The following LINGO2 variants were observed in gnomAD, a reference collection of about 807,000 sequenced individuals.
The protein encoded by LINGO2 is leucine rich repeat and Ig domain containing 2.
A neutral mutation model predicts 30.6 loss-of-function variants in LINGO2; 14 were observed. The observed-to-expected ratio is 0.46, with a 90% CI of 0.30 to 0.72. The LOEUF (loss-of-function observed/expected upper bound fraction) is 0.72, where lower values mean the gene tolerates loss of function less well. LINGO2 is among the 30% of genes least tolerant of loss of function. The pLI is 0.07. For missense variants in LINGO2, 729 were observed against 751.7 expected (o/e 0.97, Z 0.35); for synonymous variants, 317 against 288.5 (o/e 1.10, Z -1.00).
At chr9:28,998,328 T>A in the LINGO2 span, among the ~76,000 whole-genome samples, 1 of 152,140 alleles carries the variant, frequency 6.6e-6, no homozygotes, top group African/African-American at 2.4e-5. Flanking sequence ...AAATGTGAAA[T>A]ATGTGCCATG....
At chr9:28,624,885 C>G (rs1462614449) in intron 1 of LINGO2, among the ~76,000 whole-genome samples, 1 of 151,206 alleles carries the variant, frequency 6.6e-6, no homozygotes, top group Admixed American at 6.6e-5. Context: ...TCACTCTCCT[C>G]TCCTCAAGCA....
At chr9:28,797,359 T>TATATATATAGAGAGAGAGAGAG in the LINGO2 span, among the ~76,000 whole-genome samples, 3 of 34,212 alleles carry the variant, frequency 8.8e-5, no homozygotes, top group African/African-American at 1.9e-4. Flanking sequence ...TATATATATA[T>TATATATATAGAGAGAGAGAGAG]AGAGAGAGAG....
chr9:28,951,674 G>A, the LINGO2 span, among the ~76,000 whole-genome samples: 1 of 152,024 alleles, frequency 6.6e-6, no homozygotes, highest in African/African-American at 2.4e-5. Context: ...TCTGAGAAGT[G>A]TGATATAGAG....
the LINGO2 span, among the ~76,000 whole-genome samples, chr9:28,917,268 G>A: frequency 6.6e-6 from 1 of 152,070 alleles, no homozygotes; most frequent in Admixed American, 6.6e-5. Flanking sequence ...ATCCAACTAT[G>A]GAGAATTTCA....
At chr9:28,636,998 A>T (rs1166881849) in intron 1 of LINGO2, among the ~76,000 whole-genome samples, 5 of 152,144 alleles carry the variant, frequency 3.3e-5, no homozygotes, top group Admixed American at 2.6e-4. Flanking sequence ...TAATATTTGT[A>T]TAAGGTGTAA....
chr9:29,158,359 A>C, the LINGO2 span, among the ~76,000 whole-genome samples: 1 of 152,068 alleles, frequency 6.6e-6, no homozygotes, highest in Middle Eastern at 3.4e-3. Context: ...CTGTCTCAAA[A>C]AAATAAAAAT....
intron 1 of LINGO2, among the ~76,000 whole-genome samples, chr9:28,614,046 T>C (rs942394038): frequency 1.3e-4 from 20 of 152,180 alleles, no homozygotes; most frequent in Admixed American, 1.3e-3. Flanking sequence ...TTATGCCATA[T>C]GGTTTACTGA....
At chr9:28,922,734 G>A in the LINGO2 span, among the ~76,000 whole-genome samples, 9 of 152,128 alleles carry the variant, frequency 5.9e-5, 1 homozygote, top group African/African-American at 1.2e-4. Context: ...ACTACTTTGC[G>A]ACACGGGTTA....
chr9:28,159,638 A>G (rs1587110004), intron 4 of LINGO2, among the ~76,000 whole-genome samples: 1 of 124 alleles, frequency 8.1e-3, no homozygotes, highest in Admixed American at 0.056. Context: ...AATAGTTATG[A>G]AAAAAAAACA....
At chr9:27,972,688 G>A (rs1174770807) in intron 5 of LINGO2, among the ~76,000 whole-genome samples, 4 of 152,160 alleles carry the variant, frequency 2.6e-5, no homozygotes, top group East Asian at 1.9e-4. Flanking sequence ...CAGGCAGGCT[G>A]GTATTGAGGC....
chr9:28,043,657 C>A (rs192977865), intron 4 of LINGO2, among the ~76,000 whole-genome samples: 4 of 152,266 alleles, frequency 2.6e-5, no homozygotes, highest in African/African-American at 9.6e-5. Flanking sequence ...GTACCCATCA[C>A]CCAGTTTCAA....
At chr9:28,056,420 GT>G (rs1380425027) in intron 4 of LINGO2, among the ~76,000 whole-genome samples, 1 of 152,206 alleles carries the variant, frequency 6.6e-6, no homozygotes, top group Admixed American at 6.5e-5. Context: ...GTTAAATATT[GT>G]TTTTGTCCTG....
the LINGO2 span, among the ~76,000 whole-genome samples, chr9:28,777,363 G>A: frequency 6.6e-6 from 1 of 152,030 alleles, no homozygotes; most frequent in Admixed American, 6.6e-5. Flanking sequence ...AAGTAGGCAG[G>A]GTCCTATTTT....
At chr9:28,694,134 A>C in the LINGO2 span, among the ~76,000 whole-genome samples, 1 of 151,994 alleles carries the variant, frequency 6.6e-6, no homozygotes, top group African/African-American at 2.4e-5. Context: ...TTCAAAAAAA[A>C]AAAATCATTT....
At chr9:28,677,660 G>T in the LINGO2 span, among the ~76,000 whole-genome samples, 1 of 152,070 alleles carries the variant, frequency 6.6e-6, no homozygotes, top group Non-Finnish European at 1.5e-5. Context: ...CTGGCCACCT[G>T]TGTTCCATTT....
intron 3 of LINGO2, among the ~76,000 whole-genome samples, chr9:28,319,741 G>C (rs2134293470): frequency 6.6e-6 from 1 of 152,148 alleles, no homozygotes; most frequent in East Asian, 1.9e-4. Flanking sequence ...AGGAGCTTGA[G>C]GCAATTTTTT....
At chr9:28,398,733 C>T (rs1249252681) in intron 2 of LINGO2, among the ~76,000 whole-genome samples, 2 of 151,770 alleles carry the variant, frequency 1.3e-5, no homozygotes, top group African/African-American at 2.4e-5. Context: ...AAAAAAGAGG[C>T]TCTATAACTT....
At chr9:28,363,175 G>A (rs919497661) in intron 3 of LINGO2, among the ~76,000 whole-genome samples, 1 of 152,154 alleles carries the variant, frequency 6.6e-6, no homozygotes, top group Admixed American at 6.5e-5. Context: ...CTTCCAAAAT[G>A]TACACAGTAA....
At chr9:28,226,641 AGGAAAGAAAG>A (rs1217485449) in intron 4 of LINGO2, among the ~76,000 whole-genome samples, 1 of 52,358 alleles carries the variant, frequency 1.9e-5, no homozygotes, top group Admixed American at 2.1e-4. Context: ...GAAGGAAAGA[AGGAAAGAAAG>A]AAAGAAAGAA....
Sources: allele counts gnomAD v4.1 joint callset (sites outside exome capture counted in the v4.1 genomes callset), GRCh38; gene constraint gnomAD v4.1.1; transcripts MANE v1.5; gene names NCBI Gene and HGNC (gene_info 2026-07-23, HGNC 2026-07-21).